OFD1: variants seen among roughly 807,000 people sequenced by gnomAD.
OFD1 encodes OFD1 centriole and centriolar satellite protein.
In OFD1, 12 loss-of-function variants were observed where a neutral mutation model predicts 81.4. The observed-to-expected ratio is 0.15, with a 90% CI of 0.09 to 0.24. The LOEUF (loss-of-function observed/expected upper bound fraction) is 0.24, where lower values mean the gene tolerates loss of function less well. Ranked by LOEUF, OFD1 falls within the 10% of genes least tolerant of loss-of-function variation. OFD1 has a pLI of 1.00. For missense variants in OFD1, 685 were observed against 733.9 expected (o/e 0.93, Z 0.77); for synonymous variants, 256 against 263.7 (o/e 0.97, Z 0.28).
the OFD1 span, among the ~76,000 whole-genome samples, chrX:13,717,414 G>T: frequency 8.9e-6 from 1 of 112,153 alleles, no homozygotes; most frequent in Non-Finnish European, 1.9e-5. Context: ...TTCAGAACTT[G>T]GAATGCAGTC....
At position 13,747,582 on chromosome X, in the gene OFD1, G is replaced by A. The variant is rs145366069; in HGVS notation, c.828+629G>A. ...GGTAGTGAAGGGAAGCAGAGGAGAG[G>A]GCAGGTGGCTGCTAACCTAGGGGGA... is the stretch of plus-strand genomic sequence containing the variant. On this transcript the variant is annotated intron_variant, in intron 8 of 22. Transcript: ENST00000340096. Among the ~76,000 whole-genome samples the A allele has an allele frequency of 1.9e-3, 213 of 111,781 alleles. 1 individual carries two copies. The highest frequency in any genetic ancestry group is 6.2e-3 in the African/African-American group (191 of 30,725).
intron 8 of OFD1, among the ~76,000 whole-genome samples, chrX:13,747,414 G>A (rs558947374): frequency 8.9e-6 from 1 of 111,870 alleles, no homozygotes; most frequent in Non-Finnish European, 1.9e-5. Context: ...TTCTGTTCTA[G>A]TTCTGGGGAG....
At chrX:13,764,964 C>G (rs918099527) in intron 19 of OFD1, among the ~76,000 whole-genome samples, 4 of 111,306 alleles carry the variant, frequency 3.6e-5, no homozygotes, top group African/African-American at 9.8e-5. Context: ...GCCGTGGCCA[C>G]AAGAGGGAGT....
chrX:13,766,260 A>G (rs2033726432), intron 19 of OFD1, among the ~76,000 whole-genome samples: 1 of 111,894 alleles, frequency 8.9e-6, no homozygotes, highest in South Asian at 3.7e-4. Flanking sequence ...AGGTTGTTGG[A>G]AGGCAGAGAC....
chrX:13,751,438 C>T, intron 10 of OFD1, 70 bp downstream of exon 10: 2 of 885,461 alleles, frequency 2.3e-6, no homozygotes, highest in Non-Finnish European at 3.2e-6. Flanking sequence ...CAAAAACTGA[C>T]AAAGTAGTCT....
chrX:13,731,569 T>C (rs1407516025), upstream of OFD1, among the ~76,000 whole-genome samples: 2 of 111,908 alleles, frequency 1.8e-5, no homozygotes, highest in African/African-American at 3.3e-5. Flanking sequence ...GAAAATACAG[T>C]CTTGCTAGAA....
rs765334814 is a variant in OFD1, at chrX:13,767,112, T to C, written c.2600-15T>C. On this transcript the variant is annotated splice_polypyrimidine_tract_variant and intron_variant, in intron 19 of 22. Coordinates refer to ENST00000340096, the MANE Select transcript of OFD1 (RefSeq NM_003611.3). Reference sequence around the variant, plus strand: ...TCTGATACTGGAAGCTACTCTTTATTTTCTGTCCTATTAGGTGTAGATCAG... The same window carrying C: ...TCTGATACTGGAAGCTACTCTTTATCTTCTGTCCTATTAGGTGTAGATCAG... 3 of 1,201,568 alleles carry C rather than the reference T, an allele frequency of 2.5e-6. No individual in the cohort carries two copies. In the African/African-American group the frequency reaches 5.3e-5, roughly 21 times the overall value.
At chrX:13,727,647 G>T in the OFD1 span, among the ~76,000 whole-genome samples, 175 of 112,008 alleles carry the variant, frequency 1.6e-3, no homozygotes, top group African/African-American at 5.5e-3. Flanking sequence ...ACAGAAAGCA[G>T]GAAAGATTTA....
Position 13,746,421 on chromosome X carries a change from TAGA to T in OFD1, c.624_626del (p.Glu209del), listed in dbSNP as rs2047300036. 1 of 1,207,945 alleles carries T rather than the reference TAGA, an allele frequency of 8.3e-7. No homozygotes were observed. Among genetic ancestry groups the T allele is most frequent in the Non-Finnish European group, 1.1e-6 (1 of 893,104 alleles). ...AAGCTAAATGAGTATAAGAGAGAAA[TAGA>T]AGAGCAACTTCGGGCAGAAATGTGT... On this transcript the variant is annotated inframe_deletion, in exon 7 of 23. Transcript: ENST00000340096.
chrX:13,772,808 C>A (rs1311070112), downstream of OFD1: 1 of 1,011,455 alleles, frequency 9.9e-7, no homozygotes, highest in African/African-American at 1.8e-5. Context: ...GGATACACAT[C>A]TGTACTGCAG....
chrX:13,767,597 A>G (rs748065522), intron 20 of OFD1, among the ~76,000 whole-genome samples: 18 of 112,442 alleles, frequency 1.6e-4, no homozygotes, highest in Non-Finnish European at 3.2e-4. Flanking sequence ...AACAGGGTTT[A>G]AAGAAGAGAC....
chrX:13,736,102 C>T, intron 2 of OFD1: 1 of 808,495 alleles, frequency 1.2e-6, no homozygotes, highest in Admixed American at 6.8e-5. Flanking sequence ...TTATATTCTC[C>T]AACAGTCCAC....
rs548709459 is a variant in OFD1, at chrX:13,747,051, G to T, written c.828+98G>T. On this transcript the variant is annotated intron_variant, in intron 8 of 22. Transcript: ENST00000340096. ...AGGATGGTACAGTTGATGGAACAAGGCCCCAGAAGAGCAATAGGGACTGGG... is the reference window on the plus strand; with the variant it reads ...AGGATGGTACAGTTGATGGAACAAGTCCCCAGAAGAGCAATAGGGACTGGG... 7.5e-5 allele frequency: 59 copies of T among 790,500 alleles called. 1 individual carries two copies. The South Asian group carries it at 1.2e-3, about 16-fold the overall frequency. The allele number at this position is 790,500 out of a possible 1,213,427, so 65.1% of individuals were successfully genotyped here. A position where few individuals can be genotyped will look rare whatever the true frequency, so the allele number is the denominator to read the frequency against.
chrX:13,719,148 C>T, the OFD1 span, among the ~76,000 whole-genome samples: 1 of 110,542 alleles, frequency 9.0e-6, no homozygotes, highest in African/African-American at 3.3e-5. Context: ...CAGAGCAAGA[C>T]TCTGTCTCAA....
At chrX:13,730,445 A>G (rs2046650137), upstream of OFD1, among the ~76,000 whole-genome samples, 1 of 112,178 alleles carries the variant, frequency 8.9e-6, no homozygotes, top group Non-Finnish European at 1.9e-5. Flanking sequence ...GTGGAGAAAT[A>G]GGAACACTTT....
At chrX:13,716,598 G>A in the OFD1 span, 16 of 1,210,198 alleles carry the variant, frequency 1.3e-5, no homozygotes, top group East Asian at 4.7e-4. Context: ...TCAAGTACAT[G>A]TTGTTCGATA....
intron 6 of OFD1, among the ~76,000 whole-genome samples, chrX:13,744,723 C>A (rs2047229011): frequency 8.9e-6 from 1 of 112,141 alleles, no homozygotes; most frequent in Non-Finnish European, 1.9e-5. Context: ...AATGCCAGGG[C>A]TACACTGGCC....
At chrX:13,739,837 G>A in intron 5 of OFD1, 1 of 752,650 alleles carries the variant, frequency 1.3e-6, no homozygotes, top group Non-Finnish European at 1.6e-6. Context: ...TAACTACTGT[G>A]GGTTTCAGGC....
the OFD1 span, among the ~76,000 whole-genome samples, chrX:13,723,587 T>C: frequency 1.1e-4 from 12 of 112,176 alleles, no homozygotes; most frequent in South Asian, 1.1e-3. Flanking sequence ...ATTACTGAAT[T>C]ACCTGCGTTG....
Sources: gnomAD v4.1 joint callset for allele counts (sites outside exome capture counted in the v4.1 genomes callset) on GRCh38, gnomAD v4.1.1 for gene constraint, MANE v1.5 for transcripts, NCBI Gene and HGNC (gene_info 2026-07-23, HGNC 2026-07-21) for gene names.